Variants in MME observed in about 807,000 individuals in gnomAD.
MME encodes membrane metalloendopeptidase, also known as neprilysin.
In MME, 98 loss-of-function variants were observed where a neutral mutation model predicts 113.2. The ratio of observed to expected loss-of-function variants is 0.87; its 90% confidence interval spans 0.74 to 1.02. The LOEUF (loss-of-function observed/expected upper bound fraction) is 1.02, where lower values mean the gene tolerates loss of function less well. MME is among the 50% of genes least tolerant of loss of function. MME has a pLI of 0.00. For missense variants in MME, 836 were observed against 896.0 expected (o/e 0.93, Z 0.86); for synonymous variants, 292 against 300.6 (o/e 0.97, Z 0.30).
chr3:155,132,535 T>G (rs1720220919), intron 8 of MME, among the ~76,000 whole-genome samples: 1 of 152,122 alleles, frequency 6.6e-6, no homozygotes, highest in Non-Finnish European at 1.5e-5. Flanking sequence ...ACTTACAATT[T>G]TTTTTTTAAG....
chr3:155,173,563 A>G (rs1712208373), intron 22 of MME, among the ~76,000 whole-genome samples: 1 of 148,928 alleles, frequency 6.7e-6, no homozygotes, highest in Admixed American at 6.6e-5. Context: ...GCTTGCTAGT[A>G]TCATCGTTGT....
chr3:155,115,303 C>T (rs1718508678), intron 4 of MME, 148 bp downstream of exon 4: 1 of 913,436 alleles, frequency 1.1e-6, no homozygotes, highest in African/African-American at 1.6e-5. Context: ...CACCAAGTCA[C>T]TCTGATAGTG....
chr3:155,063,315 C>T (rs1355146095), intron 1 of MME, among the ~76,000 whole-genome samples: 7 of 96,208 alleles, frequency 7.3e-5, no homozygotes, highest in Non-Finnish European at 1.2e-4. Flanking sequence ...TATAATATAT[C>T]ATTTATAATA....
chr3:155,095,007 G>A (rs967013029), intron 3 of MME, among the ~76,000 whole-genome samples: 5 of 152,218 alleles, frequency 3.3e-5, no homozygotes, highest in Admixed American at 2.6e-4. Context: ...TGCACTTTCA[G>A]TAGCCTCTTC....
At chr3:155,029,334 T>G (rs77150119) in intron 1 of MME, among the ~76,000 whole-genome samples, 1,699 of 152,202 alleles carry the variant, frequency 0.011, 18 homozygotes, top group African/African-American at 0.028. Flanking sequence ...TTAAAAAATT[T>G]TTTTCTATTT....
rs557067447 is a variant in MME at position 155,073,949 on chromosome 3, GT to G, written c.-10-10204del. On this transcript the variant is annotated intron_variant, in intron 1 of 22. Transcript: ENST00000492661. Reference sequence around the variant, plus strand: ...GAGTAATATTTTGTAGATTACTTTGGTTTTTCAGTATTGATGATCATACTAC... The same window carrying G: ...GAGTAATATTTTGTAGATTACTTTGGTTTTCAGTATTGATGATCATACTAC... Among the ~76,000 whole-genome samples the G allele has an allele frequency of 1.4e-3, 206 of 151,540 alleles. 1 individual carries two copies. Among genetic ancestry groups the G allele is most frequent in the African/African-American group, 4.5e-3 (185 of 41,326 alleles).
chr3:155,140,440 AGG>A, intron 10 of MME, 148 bp downstream of exon 10: 1 of 490,778 alleles, frequency 2.0e-6, no homozygotes, highest in South Asian at 2.0e-5. Flanking sequence ...TTTTTGAGAC[AGG>A]GTCTCACTCT....
At chr3:155,142,548 T>C (rs1195523247) in intron 12 of MME, among the ~76,000 whole-genome samples, 1 of 152,164 alleles carries the variant, frequency 6.6e-6, no homozygotes, top group Non-Finnish European at 1.5e-5. Context: ...ATGATTGCAT[T>C]GTCCTGTAAG....
At chr3:155,165,619 G>A (rs1244475945) in intron 17 of MME, among the ~76,000 whole-genome samples, 2 of 152,146 alleles carry the variant, frequency 1.3e-5, no homozygotes, top group African/African-American at 4.8e-5. Context: ...GAGTAGATTA[G>A]ATTTAGAATA....
intron 12 of MME, 132 bp from the exon 13 acceptor site, chr3:155,143,311 G>A (rs961534364): frequency 5.8e-6 from 6 of 1,040,824 alleles, no homozygotes; most frequent in Non-Finnish European, 8.9e-6. Context: ...CATAGGCTAG[G>A]AACATGGGCC....
chr3:155,174,221 T>A (rs1332945977), intron 22 of MME, among the ~76,000 whole-genome samples: 1 of 152,044 alleles, frequency 6.6e-6, no homozygotes, highest in Non-Finnish European at 1.5e-5. Flanking sequence ...CTGAAAACAA[T>A]ATTTTGCTAT....
At chr3:155,038,803 T>G (rs1017260080) in intron 1 of MME, among the ~76,000 whole-genome samples, 3 of 152,182 alleles carry the variant, frequency 2.0e-5, no homozygotes, top group African/African-American at 7.2e-5. Flanking sequence ...TTGACAACTT[T>G]CCCCTTTTCA....
At chr3:155,168,258 A>G (rs929204587) in intron 18 of MME, among the ~76,000 whole-genome samples, 7 of 152,210 alleles carry the variant, frequency 4.6e-5, no homozygotes, top group Non-Finnish European at 8.8e-5. Flanking sequence ...TGAGATATCA[A>G]GAGCCAAATG....
intron 20 of MME, among the ~76,000 whole-genome samples, chr3:155,169,827 T>C (rs1711711860): frequency 6.6e-6 from 1 of 151,964 alleles, no homozygotes; most frequent in Non-Finnish European, 1.5e-5. Context: ...ACATCAATGG[T>C]TGGATCAGGG....
chr3:155,084,654 G>A (rs901698484), intron 2 of MME, among the ~76,000 whole-genome samples: 1 of 152,084 alleles, frequency 6.6e-6, no homozygotes, highest in Non-Finnish European at 1.5e-5. Context: ...AACTTTTGTT[G>A]TGTCATTGAA....
In MME at chr3:155,124,707, G is replaced by T. The variant is rs1719453275; in HGVS notation, c.720+5896G>T. 2.0e-5 allele frequency among the ~76,000 whole-genome samples: 3 copies of T among 151,706 alleles called. No homozygotes were observed. In the South Asian group the frequency reaches 6.3e-4, roughly 32 times the overall value. On this transcript the variant is annotated intron_variant, in intron 8 of 22. Transcript: ENST00000360490. ...GAGGTGTCAGTGTGCCCCTGCTGGG[G>T]GGTGCCTCCCAGTTAGGCTGCTCGG...
chr3:155,068,660 A>T (rs1455185182), intron 1 of MME, among the ~76,000 whole-genome samples: 1 of 152,222 alleles, frequency 6.6e-6, no homozygotes, highest in Non-Finnish European at 1.5e-5. Flanking sequence ...TAGCAGGCAT[A>T]AAATCTGAAA....
chr3:155,093,040 A>G (rs928976384), intron 3 of MME, among the ~76,000 whole-genome samples: 1 of 139,462 alleles, frequency 7.2e-6, no homozygotes, highest in African/African-American at 2.6e-5. Context: ...CAAATTAATA[A>G]CCCAAAGCCG....
At chr3:155,172,676 AT>A (rs1576673944) in intron 22 of MME, 64 bp downstream of exon 22, 1 of 1,214,548 alleles carries the variant, frequency 8.2e-7, no homozygotes, top group African/African-American at 1.5e-5. Flanking sequence ...CACATTTGGA[AT>A]TTAGACTTTT....
Sources: gnomAD v4.1 joint callset for allele counts (sites outside exome capture counted in the v4.1 genomes callset) on GRCh38, gnomAD v4.1.1 for gene constraint, MANE v1.5 for transcripts, NCBI Gene and HGNC (gene_info 2026-07-23, HGNC 2026-07-21) for gene names.